PHIP: variants seen among roughly 807,000 people sequenced by gnomAD.
The protein encoded by PHIP is PH-interacting protein.
PHIP carries 54 observed loss-of-function variants against 236.8 expected under a neutral mutation model. The observed-to-expected ratio is 0.23, with a 90% confidence interval of 0.18 to 0.29. The LOEUF is 0.29. PHIP is among the 10% of genes least tolerant of loss of function. The pLI is 1.00. For synonymous variants in PHIP, 756 were observed against 718.9 expected (o/e 1.05, Z -0.83); for missense variants, 1,370 against 2,190.8 (o/e 0.63, Z 7.48).
intron 7 of PHIP, among the ~76,000 whole-genome samples, chr6:79,038,067 C>A (rs1772029648): frequency 6.6e-6 from 1 of 152,218 alleles, no homozygotes; most frequent in Non-Finnish European, 1.5e-5. Flanking sequence ...TAAGTGTATT[C>A]AGTTTTTCAA....
intron 7 of PHIP, among the ~76,000 whole-genome samples, chr6:79,034,074 AAC>A (rs1472315316): frequency 2.6e-5 from 4 of 152,176 alleles, no homozygotes; most frequent in Non-Finnish European, 5.9e-5. Context: ...AGATCACCAT[AAC>A]AGTTATAATA....
chr6:78,936,846 G>T lies in PHIP; in HGVS notation c.*3847C>A, dbSNP rs182791706. 1 of 151,800 alleles carries T rather than the reference G, an allele frequency of 6.6e-6. No homozygotes were observed. 9.4% of individuals were successfully genotyped at this position (151,800 alleles called of 1,614,324 possible). A position where few individuals can be genotyped will look rare whatever the true frequency, so the allele number is the denominator to read the frequency against. ...TTGCTCAGTATAATTAACAAAAATA[G>T]TTTCTTAGTAAATGTAATATTAATT... On this transcript the variant is annotated 3_prime_UTR_variant, in exon 40 of 40. Coordinates refer to ENST00000275034, the MANE Select transcript of PHIP (RefSeq NM_017934.7).
At chr6:78,955,207 T>C in intron 34 of PHIP, 25 bp downstream of exon 34, 1 of 1,529,370 alleles carries the variant, frequency 6.5e-7, no homozygotes, top group South Asian at 1.2e-5. Flanking sequence ...ATAAAGTACT[T>C]CTGCTAAAAC....
intron 4 of PHIP, chr6:79,068,196 C>CAA (rs1329221752): frequency 6.6e-6 from 1 of 152,350 alleles, no homozygotes; most frequent in Non-Finnish European, 1.5e-5. Context: ...GGCATGGTAG[C>CAA]TCATGCCTGT....
At chr6:79,043,944 C>T (rs1487009901) in intron 6 of PHIP, among the ~76,000 whole-genome samples, 1 of 151,386 alleles carries the variant, frequency 6.6e-6, no homozygotes, top group African/African-American at 2.4e-5. Flanking sequence ...TACTACTTAG[C>T]CAAGGTACAG....
At chr6:79,018,641 T>G (rs529931370) in intron 10 of PHIP, among the ~76,000 whole-genome samples, 1 of 152,120 alleles carries the variant, frequency 6.6e-6, no homozygotes, top group South Asian at 2.1e-4. Flanking sequence ...TACAATCACT[T>G]TTTAAAGTGC....
chr6:78,976,283 C>T (rs1481793336), intron 24 of PHIP, among the ~76,000 whole-genome samples: 2 of 148,860 alleles, frequency 1.3e-5, no homozygotes, highest in Admixed American at 1.3e-4. Context: ...AAAAGGATTC[C>T]CTATTTAATA....
chr6:79,043,009 A>G lies in PHIP; in HGVS notation c.440-6T>C. On this transcript the variant is annotated splice_region_variant and splice_polypyrimidine_tract_variant and intron_variant, in intron 6 of 39. Transcript: ENST00000275034. ...CCTTGAAAACAGAGTATCCGCTACC[A>G]AGAAAAAGAAGGAAAATAAATGTAA... The G allele has an allele frequency of 6.3e-7, 1 of 1,597,706 alleles. No homozygotes were observed.
intron 24 of PHIP, among the ~76,000 whole-genome samples, chr6:78,971,773 C>G (rs1767579260): frequency 6.6e-6 from 1 of 152,182 alleles, no homozygotes; most frequent in Non-Finnish European, 1.5e-5. Flanking sequence ...TGACGGACGG[C>G]ACCTGGAAAA....
At chr6:79,004,457 GC>G (rs1770176370) in intron 15 of PHIP, 1 of 966,434 alleles carries the variant, frequency 1.0e-6, no homozygotes, top group Non-Finnish European at 1.2e-6. Flanking sequence ...AACAGAGGTG[GC>G]CAATCACCAC....
intron 36 of PHIP, 149 bp from the exon 37 acceptor site, chr6:78,947,023 A>T: frequency 2.0e-6 from 1 of 508,588 alleles, no homozygotes; most frequent in East Asian, 3.6e-5. Flanking sequence ...CTTTTGATGA[A>T]AAGGTAAACT....
intron 15 of PHIP, among the ~76,000 whole-genome samples, chr6:79,009,863 G>GAT (rs377243060): frequency 1.5e-4 from 23 of 149,944 alleles, no homozygotes; most frequent in Non-Finnish European, 1.5e-4. Context: ...TTTGTACCAA[G>GAT]ATATATATAT....
At chr6:79,007,315 A>C (rs1321409568) in intron 15 of PHIP, among the ~76,000 whole-genome samples, 3 of 152,142 alleles carry the variant, frequency 2.0e-5, no homozygotes, top group East Asian at 3.9e-4. Context: ...ACATCTCTCC[A>C]TCAGTAATAG....
Position 78,955,409 on chromosome 6 carries a change from T to C in PHIP, c.3853-127A>G, listed in dbSNP as rs1582101532. 5.9e-6 allele frequency: 4 copies of C among 679,118 alleles called. No individual in the cohort carries two copies. The South Asian group carries it at 7.3e-5, about 12-fold the overall frequency. 42.1% of individuals were successfully genotyped at this position (679,118 alleles called of 1,614,324 possible). ...GTAATGTATATGCTGGGGCACTTTA[T>C]TGACTCATTAAAAAGGTTCCCCCCA... On this transcript the variant is annotated intron_variant, in intron 33 of 39. Transcript: ENST00000275034.
intron 17 of PHIP, among the ~76,000 whole-genome samples, chr6:79,000,594 C>T (rs1021821530): frequency 2.0e-5 from 3 of 151,648 alleles, no homozygotes; most frequent in Non-Finnish European, 2.9e-5. Flanking sequence ...TGTCTGAAAC[C>T]CTAAAGTAGC....
chr6:78,970,175 T>C lies in PHIP; in HGVS notation c.2998-2A>G. ...AACTATTTTCATAAGTTCTTGTTCC[T>C]GAGAGAGACAGAGAATATAAGGAAC... On this transcript the variant is annotated splice_acceptor_variant, in intron 25 of 39. Coordinates refer to ENST00000275034, the MANE Select transcript of PHIP (RefSeq NM_017934.7). LOFTEE classifies it high-confidence loss of function. 6.2e-7 allele frequency: 1 copy of C among 1,610,018 alleles called. No individual in the cohort carries two copies. The highest frequency in any genetic ancestry group is 8.5e-7 in the Non-Finnish European group (1 of 1,177,078).
rs774653103 is a variant in PHIP, at chr6:78,983,042, C to A, written c.2613G>T (p.Lys871Asn). Residue 871 changes from lysine (K) to asparagine (N), a missense_variant, in exon 23 of 40, where the codon AAG becomes AAT. This residue lies in a region of PHIP where 76 missense variants were observed against 76.4 expected (regional missense o/e 0.99). Coordinates refer to ENST00000275034, the MANE Select transcript of PHIP (RefSeq NM_017934.7). ...TGCTTTCTGCTTTCTTGGTTTTATTCTTAGGAACTTTCTTTGGTGGCTGCA... is the reference window on the plus strand; with the variant it reads ...TGCTTTCTGCTTTCTTGGTTTTATTATTAGGAACTTTCTTTGGTGGCTGCA... ...INLQPPKKVP[K>N]NKTKKAESSS... The A allele has an allele frequency of 1.2e-6, 2 of 1,611,770 alleles. No individual in the cohort carries two copies. The highest frequency in any genetic ancestry group is 1.7e-6 in the Non-Finnish European group (2 of 1,179,192).
At chr6:79,005,139 T>C (rs886298402) in intron 15 of PHIP, among the ~76,000 whole-genome samples, 2 of 151,870 alleles carry the variant, frequency 1.3e-5, no homozygotes, top group Non-Finnish European at 2.9e-5. Flanking sequence ...TAGATAAAAC[T>C]AGGAAAATTA....
intron 31 of PHIP, among the ~76,000 whole-genome samples, chr6:78,959,656 C>T (rs1317062975): frequency 1.3e-5 from 2 of 152,062 alleles, no homozygotes; most frequent in African/African-American, 4.8e-5. Context: ...AGGTTTATAA[C>T]AGAGTTTATT....
Sources: gnomAD v4.1 joint callset for allele counts (sites outside exome capture counted in the v4.1 genomes callset) on GRCh38, gnomAD v4.1.1 for gene constraint, gnomAD v4.1.1 regional missense constraint, MANE v1.5 for transcripts, NCBI Gene and HGNC (gene_info 2026-07-23, HGNC 2026-07-21) for gene names.